MSN: variants seen among roughly 807,000 people sequenced by gnomAD.
The protein encoded by MSN is epididymis luminal protein 70.
A neutral mutation model predicts 48.0 loss-of-function variants in MSN; 2 were observed. The observed-to-expected ratio is 0.04, with a 90% CI of 0.02 to 0.13. The LOEUF (loss-of-function observed/expected upper bound fraction) is 0.13. MSN is among the 10% of genes least tolerant of loss of function. The pLI, the probability that MSN is intolerant of heterozygous loss-of-function variation, is 1.00. For missense variants in MSN, 267 were observed against 470.1 expected (o/e 0.57, Z 3.99); for synonymous variants, 146 against 166.9 (o/e 0.87, Z 0.97).
chrX:65,692,938 C>T lies in MSN; in HGVS notation c.13-23880C>T, dbSNP rs371832117. Among the ~76,000 whole-genome samples, 9 of 111,887 alleles carry T rather than the reference C, an allele frequency of 8.0e-5. No individual in the cohort carries two copies. The East Asian group carries it at 2.0e-3, about 24-fold the overall frequency. On this transcript the variant is annotated intron_variant, in intron 1 of 12. Coordinates refer to ENST00000360270, the MANE Select transcript of MSN (RefSeq NM_002444.3). ...CAGGTGATCCTCCCACCTCGGCCAGCGTTGTTTTTTTAAAAAAGAAAAAAG... is the reference window on the plus strand; with the variant it reads ...CAGGTGATCCTCCCACCTCGGCCAGTGTTGTTTTTTTAAAAAAGAAAAAAG...
At position 65,621,322 on chromosome X, in the gene MSN, A is replaced by G. The variant is rs560847394; in HGVS notation, c.-22+32710A>G. 2.4e-4 allele frequency among the ~76,000 whole-genome samples: 27 copies of G among 112,085 alleles called. No individual in the cohort carries two copies. The South Asian group carries it at 3.7e-3, about 15-fold the overall frequency. ...ATAAGGGTCCAACTTTATTCTTTTC[A>G]TATAGAAGTTCAATTGTCCTGGCAC... On this transcript the variant is annotated intron_variant, in intron 1 of 3. Transcript: ENST00000609672.
intron 12 of MSN, 106 bp downstream of exon 12, chrX:65,739,300 G>A (rs1310802830): frequency 1.3e-6 from 1 of 799,907 alleles, no homozygotes; most frequent in African/African-American, 2.1e-5. Flanking sequence ...CTGTCCCAGT[G>A]TTGTATGGGA....
At chrX:65,637,771 C>CCCA (rs1182398712) in intron 1 of MSN, among the ~76,000 whole-genome samples, 1 of 111,009 alleles carries the variant, frequency 9.0e-6, no homozygotes, top group African/African-American at 3.3e-5. Flanking sequence ...AAGCGATCCT[C>CCCA]CCACCTTGGC....
intron 2 of MSN, among the ~76,000 whole-genome samples, chrX:65,723,610 A>G (rs977520325): frequency 1.8e-5 from 2 of 112,084 alleles, no homozygotes; most frequent in African/African-American, 6.5e-5. Context: ...TGGAAGCTAG[A>G]TGCTAAGCTC....
At chrX:65,694,986 C>T (rs2071217094) in intron 1 of MSN, among the ~76,000 whole-genome samples, 1 of 111,968 alleles carries the variant, frequency 8.9e-6, no homozygotes. Context: ...GGATCTCCAC[C>T]CCTTTGCAGA....
At chrX:65,627,374 C>T (rs1184200118) in intron 1 of MSN, among the ~76,000 whole-genome samples, 1 of 109,104 alleles carries the variant, frequency 9.2e-6, no homozygotes, top group Non-Finnish European at 1.9e-5. Context: ...TTTAATTGGA[C>T]TTACAATTCC....
chrX:65,679,602 G>T lies in MSN; in HGVS notation c.12+11749G>T, dbSNP rs186358949. Among the ~76,000 whole-genome samples, 126 of 112,264 alleles carry T rather than the reference G, an allele frequency of 1.1e-3. 2 individuals are homozygous for T. Among genetic ancestry groups the T allele is most frequent in the African/African-American group, 4.1e-3 (126 of 30,885 alleles). ...AGGGACTTCTGAATTTTCTGTGAGG[G>T]CCTACAAGGCTGATAGGGAATAAGC... On this transcript the variant is annotated intron_variant, in intron 1 of 12. Coordinates refer to ENST00000360270, the MANE Select transcript of MSN (RefSeq NM_002444.3).
chrX:65,735,066 C>T (rs759336555), intron 7 of MSN, among the ~76,000 whole-genome samples: 1 of 112,113 alleles, frequency 8.9e-6, no homozygotes, highest in East Asian at 2.8e-4. Flanking sequence ...GTCAAGAAAC[C>T]TGGGTTTCTA....
At chrX:65,641,760 G>A (rs2070655962) in intron 1 of MSN, among the ~76,000 whole-genome samples, 1 of 105,093 alleles carries the variant, frequency 9.5e-6, no homozygotes, top group South Asian at 4.3e-4. Context: ...TGTTTACTGA[G>A]GAATAAATAT....
chrX:65,654,998 G>A (rs1188894696), intron 1 of MSN, among the ~76,000 whole-genome samples: 2 of 109,753 alleles, frequency 1.8e-5, no homozygotes, highest in South Asian at 3.8e-4. Context: ...CTTTTTTTTT[G>A]TCTGTCTCCC....
chrX:65,669,691 G>A (rs2070911186), intron 1 of MSN, among the ~76,000 whole-genome samples: 1 of 110,932 alleles, frequency 9.0e-6, no homozygotes, highest in South Asian at 3.8e-4. Context: ...TGATAGACTG[G>A]AAGTATTAGA....
At chrX:65,686,507 G>T (rs954848737) in intron 1 of MSN, among the ~76,000 whole-genome samples, 1 of 112,981 alleles carries the variant, frequency 8.9e-6, no homozygotes, top group African/African-American at 3.2e-5. Flanking sequence ...GCTTTGTGAG[G>T]CAGGGAGTTT....
chrX:65,652,526 C>A (rs1454253444), intron 1 of MSN, among the ~76,000 whole-genome samples: 2 of 111,510 alleles, frequency 1.8e-5, no homozygotes, highest in African/African-American at 6.5e-5. Context: ...TGGCCCTGAG[C>A]CATGGTAGGT....
rs199588485 is a variant in MSN at position 65,683,383 on chromosome X, T to TGCCGCCGCCGCCGCCGCC, written c.12+15542_12+15543insGCCGCCGCCGCCGCCGCC. The stretch of plus-strand genomic sequence containing the variant: ...TATCCACTCTTGCTATTGCTACTGT[T>TGCCGCCGCCGCCGCCGCC]GCCGCCGCCGCCACCACCACCACCA... On this transcript the variant is annotated intron_variant, in intron 1 of 12. Transcript: ENST00000360270. 7.2e-4 allele frequency among the ~76,000 whole-genome samples: 68 copies of TGCCGCCGCCGCCGCCGCC among 93,864 alleles called. 2 individuals are homozygous for TGCCGCCGCCGCCGCCGCC. The highest frequency in any genetic ancestry group is 3.6e-3 in the African/African-American group (68 of 18,782). 81.5% of individuals were successfully genotyped at this position (93,864 alleles called of 115,157 possible). A position where few individuals can be genotyped will look rare whatever the true frequency, so the allele number is the denominator to read the frequency against.
At chrX:65,659,967 G>C (rs1481258789) in intron 1 of MSN, among the ~76,000 whole-genome samples, 1 of 109,897 alleles carries the variant, frequency 9.1e-6, no homozygotes, top group Non-Finnish European at 1.9e-5. Context: ...CACAGTAGGG[G>C]GTAAGGTGGG....
intron 1 of MSN, among the ~76,000 whole-genome samples, chrX:65,708,267 A>T (rs986686724): frequency 2.7e-5 from 3 of 112,086 alleles, no homozygotes; most frequent in Non-Finnish European, 5.6e-5. Context: ...AGATCAGAGT[A>T]ATTAGCATAC....
intron 1 of MSN, chrX:65,593,187 G>T (rs2070162092): frequency 9.6e-6 from 1 of 104,548 alleles, no homozygotes; most frequent in Non-Finnish European, 2.0e-5. Flanking sequence ...CTACCTGCAT[G>T]TTTTTTCCTC....
intron 1 of MSN, among the ~76,000 whole-genome samples, chrX:65,605,886 C>T (rs1389695925): frequency 9.0e-6 from 1 of 111,475 alleles, no homozygotes; most frequent in East Asian, 2.8e-4. Flanking sequence ...CTCACAGCAT[C>T]CCGTCATTCT....
At chrX:65,684,234 G>A (rs1472979692) in intron 1 of MSN, among the ~76,000 whole-genome samples, 3 of 110,602 alleles carry the variant, frequency 2.7e-5, no homozygotes, top group Admixed American at 9.6e-5. Flanking sequence ...GAGCCACTGC[G>A]CCCAGCCCAT....
Sources: allele counts gnomAD v4.1 joint callset (sites outside exome capture counted in the v4.1 genomes callset), GRCh38; gene constraint gnomAD v4.1.1; transcripts MANE v1.5; gene names NCBI Gene and HGNC (gene_info 2026-07-23, HGNC 2026-07-21).